CMYA5: variants seen among roughly 807,000 people sequenced by gnomAD.
CMYA5 encodes the protein cardiomyopathy associated 5.
A neutral mutation model predicts 318.9 loss-of-function variants in CMYA5; 246 were observed. The ratio of observed to expected loss-of-function variants is 0.77; its 90% CI spans 0.70 to 0.86. The LOEUF (loss-of-function observed/expected upper bound fraction) is 0.86. Ranked by LOEUF, CMYA5 falls within the 40% of genes least tolerant of loss-of-function variation. The probability of loss-of-function intolerance (pLI) is 0.00; values close to 1 mark genes in which losing one functional copy is unlikely to be tolerated. For missense variants in CMYA5, 4,589 were observed against 4,678.2 expected (o/e 0.98, Z 0.56); for synonymous variants, 1,641 against 1,729.5 (o/e 0.95, Z 1.27).
chr5:79,767,420 ACTTTCT>A (rs1405136392), intron 9 of CMYA5, among the ~76,000 whole-genome samples: 1 of 151,970 alleles, frequency 6.6e-6, no homozygotes, highest in African/African-American at 2.4e-5. Context: ...GATCTTTCCC[ACTTTCT>A]CTTGTGGGCA....
chr5:79,763,300 G>C, intron 9 of CMYA5, 91 bp downstream of exon 9: 2 of 1,148,274 alleles, frequency 1.7e-6, no homozygotes, highest in Non-Finnish European at 2.4e-6. Context: ...CTCACCAAGG[G>C]AGAAATGCCG....
In CMYA5 at chr5:79,729,930, A is replaced by G; in HGVS notation, c.1165A>G (p.Met389Val). ...PSVTPDTPATMFLRTTKEECE... is the reference protein window; with the variant it reads ...PSVTPDTPATVFLRTTKEECE... ...TGTGACACCCGACACACCTGCAACTATGTTCCTGAGAACAACAAAGGAAGA... is the reference window on the plus strand; with the variant it reads ...TGTGACACCCGACACACCTGCAACTGTGTTCCTGAGAACAACAAAGGAAGA... Residue 389 changes from methionine to valine, a missense_variant, in exon 2 of 13, where the codon ATG (methionine) becomes GTG (valine). Coordinates refer to ENST00000446378, the MANE Select transcript of CMYA5 (RefSeq NM_153610.5). 1.9e-6 allele frequency: 3 copies of G among 1,613,838 alleles called. No homozygotes were observed. The highest frequency in any genetic ancestry group is 2.5e-6 in the Non-Finnish European group (3 of 1,179,842).
At chr5:79,713,679 G>A (rs1827456567) in intron 1 of CMYA5, among the ~76,000 whole-genome samples, 2 of 138,178 alleles carry the variant, frequency 1.4e-5, no homozygotes, top group South Asian at 2.4e-4. Flanking sequence ...AAGCCCAAAT[G>A]GCTCTTTTTT....
At position 79,737,197 on chromosome 5, in the gene CMYA5, T is replaced by G; in HGVS notation, c.8432T>G (p.Leu2811Trp). 1.9e-6 allele frequency: 3 copies of G among 1,613,594 alleles called. No individual in the cohort carries two copies. Among genetic ancestry groups the G allele is most frequent in the Non-Finnish European group, 2.5e-6 (3 of 1,179,782 alleles). ...AAGAGCTCAGAAACACCGCCATATT[T>G]GCTGTCACCTGTAAAACCACAAACT... ...ETKSSETPPY[L>W]LSPVKPQTLA... Residue 2811 changes from leucine (L) to tryptophan (W), a missense_variant, in exon 2 of 13, where the codon TTG (leucine) becomes TGG (tryptophan). By Grantham distance (61) the Leu-to-Trp change is moderately conservative. Transcript: ENST00000446378.
rs61657639 is a variant in CMYA5, at chr5:79,709,960, CAAAAAAA to C, written c.150-18933_150-18927del. Among the ~76,000 whole-genome samples the C allele has an allele frequency of 7.4e-4, 18 of 24,320 alleles. No individual in the cohort carries two copies. In the South Asian group the frequency reaches 0.011, roughly 15 times the overall value. 16.0% of individuals were successfully genotyped at this position (24,320 alleles called of 152,430 possible). ...TGGGTGACAGAGTGAGACTCCATCTCAAAAAAAAAAAAAAAAAAAAAAAAAAAAGAAA... is the reference window on the plus strand; with the variant it reads ...TGGGTGACAGAGTGAGACTCCATCTCAAAAAAAAAAAAAAAAAAAAAGAAA... On this transcript the variant is annotated intron_variant, in intron 1 of 12. Transcript: ENST00000446378.
At chr5:79,725,454 G>A (rs4703786) in intron 1 of CMYA5, among the ~76,000 whole-genome samples, 12,694 of 152,154 alleles carry the variant, frequency 0.083, 909 homozygotes, top group East Asian at 0.41. Context: ...TAGACACTGG[G>A]GACTACAAAA....
chr5:79,799,872 A>AAACAAC lies in CMYA5; in HGVS notation c.*258_*259insCAACAA. 2.9e-5 allele frequency: 5 copies of AAACAAC among 171,414 alleles called. No individual in the cohort carries two copies. Among genetic ancestry groups the AAACAAC allele is most frequent in the Admixed American group, 7.1e-5 (1 of 14,096 alleles). 10.6% of individuals were successfully genotyped at this position (171,414 alleles called of 1,614,324 possible). ...TAAGTTTGAGTTCTTTCCTAAATTA[A>AAACAAC]AAGATCTACACTTGAGTTGGGAACC... On this transcript the variant is annotated 3_prime_UTR_variant, in exon 13 of 13. Coordinates refer to ENST00000446378, the MANE Select transcript of CMYA5 (RefSeq NM_153610.5).
At chr5:79,775,254 T>C (rs150018266) in intron 9 of CMYA5, among the ~76,000 whole-genome samples, 2 of 152,344 alleles carry the variant, frequency 1.3e-5, no homozygotes, top group African/African-American at 4.8e-5. Context: ...AATGACCTTA[T>C]TTGACTTTGA....
chr5:79,726,747 G>A (rs1827754516), intron 1 of CMYA5, among the ~76,000 whole-genome samples: 1 of 152,068 alleles, frequency 6.6e-6, no homozygotes, highest in Non-Finnish European at 1.5e-5. Flanking sequence ...CTTTGCAGTA[G>A]ACTGCTGGGG....
In CMYA5 at chr5:79,749,864, C is replaced by A. The variant is rs534686196; in HGVS notation, c.10991+2751C>A. Among the ~76,000 whole-genome samples the A allele has an allele frequency of 2.4e-4, 37 of 152,266 alleles. No homozygotes were observed. The South Asian group carries it at 6.8e-3, about 28-fold the overall frequency. On this transcript the variant is annotated intron_variant, in intron 5 of 12. Transcript: ENST00000446378. ...CCATACTACTTTAATAATTTTGTAACCACCTCCTGTTGCTGTTGTGATGAG... is the reference window on the plus strand; with the variant it reads ...CCATACTACTTTAATAATTTTGTAAACACCTCCTGTTGCTGTTGTGATGAG...
In CMYA5 at chr5:79,745,423, G is replaced by A. The variant is rs1269568817; in HGVS notation, c.10936G>A (p.Ala3646Thr). ...CACCCTGGAGACCATCGTGAGAGAA[G>A]CAGAGGAGCTTGATGAGGCCGTCTT... The part of the protein sequence containing the change: ...KDTLETIVRE[A>T]EELDEAVFLT... Residue 3646 changes from alanine to threonine, a missense_variant, in exon 4 of 13, where the codon GCA (alanine) becomes ACA (threonine). By Grantham distance (58) the Ala-to-Thr change is moderately conservative (BLOSUM62 0). This residue lies in a region of CMYA5 where 2,431 missense variants were observed against 2,495.1 expected (regional missense o/e 0.97). Coordinates refer to ENST00000446378, the MANE Select transcript of CMYA5 (RefSeq NM_153610.5). 1 of 1,613,966 alleles carries A rather than the reference G, an allele frequency of 6.2e-7. No individual in the cohort carries two copies. The highest frequency in any genetic ancestry group is 8.5e-7 in the Non-Finnish European group (1 of 1,179,848).
chr5:79,748,954 T>C (rs1828383531), intron 5 of CMYA5, among the ~76,000 whole-genome samples: 1 of 152,216 alleles, frequency 6.6e-6, no homozygotes, highest in African/African-American at 2.4e-5. Flanking sequence ...AAGTTACTGC[T>C]CAGTAAGAAA....
intron 6 of CMYA5, among the ~76,000 whole-genome samples, chr5:79,754,407 A>G (rs1044993297): frequency 6.6e-6 from 1 of 152,232 alleles, no homozygotes; most frequent in Non-Finnish European, 1.5e-5. Context: ...TAATCTCACC[A>G]TAACCCAAGG....
chr5:79,743,584 T>A (rs887799451), intron 2 of CMYA5, among the ~76,000 whole-genome samples: 1 of 152,188 alleles, frequency 6.6e-6, no homozygotes, highest in Non-Finnish European at 1.5e-5. Context: ...TTCTTTCACT[T>A]ACGAAGATAT....
At chr5:79,747,613 G>A (rs1283160538) in intron 5 of CMYA5, among the ~76,000 whole-genome samples, 1 of 151,968 alleles carries the variant, frequency 6.6e-6, no homozygotes, top group Non-Finnish European at 1.5e-5. Flanking sequence ...TGTTTTGTTG[G>A]TGTTTTTAAC....
At chr5:79,708,523 G>C (rs1455681827) in intron 1 of CMYA5, among the ~76,000 whole-genome samples, 1 of 151,720 alleles carries the variant, frequency 6.6e-6, no homozygotes, top group Non-Finnish European at 1.5e-5. Flanking sequence ...TACTTGGGAG[G>C]CTGAGGCGGG....
chr5:79,738,534 G>A lies in CMYA5; in HGVS notation c.9769G>A (p.Asp3257Asn), dbSNP rs1828138026. 1 of 1,613,244 alleles carries A rather than the reference G, an allele frequency of 6.2e-7. No homozygotes were observed. The highest frequency in any genetic ancestry group is 8.5e-7 in the Non-Finnish European group (1 of 1,179,856). ...ILHDTSLTQK[D>N]QGQGLEEKRV... ...CCATGACACATCTCTAACTCAAAAGGACCAGGGCCAAGGTCTGGAAGAAAA... is the reference window on the plus strand; with the variant it reads ...CCATGACACATCTCTAACTCAAAAGAACCAGGGCCAAGGTCTGGAAGAAAA... Residue 3257 changes from aspartate to asparagine, a missense_variant, in exon 2 of 13, where the codon GAC (aspartate) becomes AAC (asparagine). By Grantham distance (23) the Asp-to-Asn change is conservative. Around this residue, in one of 3 missense-constraint regions of CMYA5, gnomAD observed 2,431 missense variants for 2,495.1 expected, o/e 0.97. Transcript: ENST00000446378.
chr5:79,767,060 C>A (rs999199157), intron 9 of CMYA5, among the ~76,000 whole-genome samples: 4 of 152,112 alleles, frequency 2.6e-5, no homozygotes, highest in African/African-American at 9.7e-5. Context: ...AGGAATTTAT[C>A]CATTTCTTCT....
intron 1 of CMYA5, among the ~76,000 whole-genome samples, chr5:79,695,907 G>A (rs1355578239): frequency 3.3e-5 from 5 of 152,226 alleles, no homozygotes; most frequent in Non-Finnish European, 7.3e-5. Context: ...TCCAGCTCTT[G>A]TGCTGCTGAT....
Sources: gnomAD v4.1 joint callset for allele counts (sites outside exome capture counted in the v4.1 genomes callset) on GRCh38, gnomAD v4.1.1 for gene constraint, gnomAD v4.1.1 regional missense constraint, MANE v1.5 for transcripts, NCBI Gene and HGNC (gene_info 2026-07-23, HGNC 2026-07-21) for gene names.